NMNAT2: variants seen among roughly 807,000 people sequenced by gnomAD.
NMNAT2 encodes the protein nicotinamide/nicotinic acid mononucleotide adenylyltransferase 2.
In NMNAT2, 11 loss-of-function variants were observed where a neutral mutation model predicts 41.6. The ratio of observed to expected loss-of-function variants is 0.26; its 90% CI spans 0.17 to 0.44. The LOEUF (loss-of-function observed/expected upper bound fraction) is 0.44. Among genes scored for constraint, NMNAT2 ranks in the 20% least tolerant of loss-of-function variants. The pLI is 1.00. For synonymous variants in NMNAT2, 148 were observed against 151.2 expected, an observed-to-expected ratio of 0.98 and a Z score of 0.16; for missense variants, 288 against 407.7, an observed-to-expected ratio of 0.71 and a Z score of 2.53.
chr1:183,272,034 T>C (rs1315417476), intron 8 of NMNAT2, among the ~76,000 whole-genome samples: 1 of 152,246 alleles, frequency 6.6e-6, no homozygotes, highest in Non-Finnish European at 1.5e-5. Context: ...ATTGCAAGCA[T>C]GAGCCACCAC....
chr1:183,323,926 T>TAAATAAACTCC (rs1244974763), intron 1 of NMNAT2, among the ~76,000 whole-genome samples: 5 of 152,162 alleles, frequency 3.3e-5, no homozygotes, highest in Admixed American at 1.3e-4. Context: ...GAAGAGGAGT[T>TAAATAAACTCC]TATTTAGGCA....
chr1:183,307,914 C>A (rs1662032205), intron 1 of NMNAT2, among the ~76,000 whole-genome samples: 1 of 152,150 alleles, frequency 6.6e-6, no homozygotes, highest in South Asian at 2.1e-4. Context: ...GTAAGAGAAG[C>A]CAAGGTTGGG....
At chr1:183,393,756 A>G (rs888952352) in intron 1 of NMNAT2, among the ~76,000 whole-genome samples, 2 of 152,106 alleles carry the variant, frequency 1.3e-5, no homozygotes. Context: ...GAGTTTCACC[A>G]TGTTGGCCAG....
At chr1:183,281,265 C>T (rs1190121138) in intron 7 of NMNAT2, among the ~76,000 whole-genome samples, 1 of 152,076 alleles carries the variant, frequency 6.6e-6, no homozygotes, top group Non-Finnish European at 1.5e-5. Context: ...TGCCAGGGGA[C>T]ATTGGGCAAT....
intron 8 of NMNAT2, among the ~76,000 whole-genome samples, chr1:183,269,345 A>G (rs955364409): frequency 6.6e-6 from 1 of 152,246 alleles, no homozygotes. Context: ...TCCAATTGCA[A>G]AGAAATGCCA....
chr1:183,349,332 C>G lies in NMNAT2; in HGVS notation c.86-55539G>C, dbSNP rs548241242. Among the ~76,000 whole-genome samples the G allele has an allele frequency of 7.2e-5, 11 of 152,342 alleles. No homozygotes were observed. In the East Asian group the frequency reaches 1.9e-3, roughly 27 times the overall value. Reference sequence around the variant, plus strand: ...GGGAAGAGCTGTCCACATTCACAGCCAACATCTCAAAGCCTTTGCCTGCTC... The same window carrying G: ...GGGAAGAGCTGTCCACATTCACAGCGAACATCTCAAAGCCTTTGCCTGCTC... On this transcript the variant is annotated intron_variant, in intron 1 of 10. Transcript: ENST00000287713.
At chr1:183,364,475 T>C (rs935276453) in intron 1 of NMNAT2, among the ~76,000 whole-genome samples, 1 of 152,302 alleles carries the variant, frequency 6.6e-6, no homozygotes, top group East Asian at 1.9e-4. Flanking sequence ...TATTAAATAA[T>C]ATTTTGGAGA....
intron 1 of NMNAT2, among the ~76,000 whole-genome samples, chr1:183,365,054 G>C (rs942482103): frequency 1.6e-4 from 24 of 152,254 alleles, no homozygotes; most frequent in Non-Finnish European, 4.4e-5. Context: ...TTAAAAGGAA[G>C]AAATCAAACC....
At chr1:183,399,761 C>T (rs563508860) in intron 1 of NMNAT2, among the ~76,000 whole-genome samples, 55 of 152,122 alleles carry the variant, frequency 3.6e-4, no homozygotes, top group Middle Eastern at 3.2e-3. Context: ...GCTCAACATA[C>T]GCAAATCAAT....
chr1:183,388,419 G>T (rs981700427), intron 1 of NMNAT2, among the ~76,000 whole-genome samples: 1 of 152,180 alleles, frequency 6.6e-6, no homozygotes, highest in East Asian at 1.9e-4. Context: ...TCTGCCAAAT[G>T]CATTGGAAGG....
At position 183,368,318 on chromosome 1, in the gene NMNAT2, G is replaced by A. The variant is rs115140200; in HGVS notation, c.85+49865C>T. ...AGGGTCCTCTGGGTTCAGAATTAAG[G>A]GCAACATCATGGCTGCAGTGGACTA... On this transcript the variant is annotated intron_variant, in intron 1 of 10. Transcript: ENST00000287713. Among the ~76,000 whole-genome samples the A allele has an allele frequency of 3.2e-3, 491 of 152,178 alleles. 6 individuals are homozygous for A. The highest frequency in any genetic ancestry group is 0.011 in the African/African-American group (461 of 41,510).
At chr1:183,297,278 A>G (rs911097332) in intron 1 of NMNAT2, among the ~76,000 whole-genome samples, 14 of 152,036 alleles carry the variant, frequency 9.2e-5, no homozygotes, top group African/African-American at 3.4e-4. Context: ...TCAAATTACG[A>G]AAGTAAAAGT....
chr1:183,399,389 A>G (rs959863239), intron 1 of NMNAT2, among the ~76,000 whole-genome samples: 5 of 152,232 alleles, frequency 3.3e-5, no homozygotes, highest in Non-Finnish European at 4.4e-5. Flanking sequence ...GAATAGACCA[A>G]TAACAGGCTC....
At chr1:183,278,838 C>G (rs1250094070) in intron 7 of NMNAT2, among the ~76,000 whole-genome samples, 1 of 152,204 alleles carries the variant, frequency 6.6e-6, no homozygotes, top group Admixed American at 6.5e-5. Context: ...CCACCCTCAT[C>G]CCCTGTGGGA....
rs542111469 is a variant in NMNAT2 at position 183,351,546 on chromosome 1, T to C, written c.86-57753A>G. Among the ~76,000 whole-genome samples the C allele has an allele frequency of 5.3e-5, 8 of 152,312 alleles. No individual in the cohort carries two copies. In the East Asian group the frequency reaches 1.5e-3, roughly 29 times the overall value. ...CTTCTTTAGCATCCCCCACAGTGCC[T>C]AGAAAACCTCAACCACAGGTCAGGT... On this transcript the variant is annotated intron_variant, in intron 1 of 10. Transcript: ENST00000287713.
chr1:183,375,441 C>T (rs1371643598), intron 1 of NMNAT2, among the ~76,000 whole-genome samples: 1 of 152,196 alleles, frequency 6.6e-6, no homozygotes, highest in Non-Finnish European at 1.5e-5. Context: ...CTTGCGCTTT[C>T]CCTCCCCTAT....
chr1:183,399,313 A>G (rs868072379), intron 1 of NMNAT2, among the ~76,000 whole-genome samples: 2 of 152,350 alleles, frequency 1.3e-5, no homozygotes, highest in Middle Eastern at 3.4e-3. Context: ...AAAATCTAGA[A>G]GAAATGGATA....
chr1:183,334,463 G>C (rs1662643351), intron 1 of NMNAT2, among the ~76,000 whole-genome samples: 1 of 152,008 alleles, frequency 6.6e-6, no homozygotes, highest in Non-Finnish European at 1.5e-5. Context: ...TCAAGAGTCT[G>C]TGTCGCCACA....
At chr1:183,401,523 T>C (rs554663079) in intron 1 of NMNAT2, among the ~76,000 whole-genome samples, 143 of 152,338 alleles carry the variant, frequency 9.4e-4, no homozygotes, top group African/African-American at 3.2e-3. Flanking sequence ...CTGAAGGATC[T>C]AGAACTAGAA....
Sources: gnomAD v4.1 joint callset for allele counts (sites outside exome capture counted in the v4.1 genomes callset) on GRCh38, gnomAD v4.1.1 for gene constraint, MANE v1.5 for transcripts, NCBI Gene and HGNC (gene_info 2026-07-23, HGNC 2026-07-21) for gene names.